ERC2: variants seen among roughly 807,000 people sequenced by gnomAD.
The protein encoded by ERC2 is ERC protein 2.
ERC2 carries 42 observed loss-of-function variants against 114.8 expected under a neutral mutation model. The ratio of observed to expected loss-of-function variants is 0.37; its 90% CI spans 0.29 to 0.47. The LOEUF (loss-of-function observed/expected upper bound fraction) is 0.47, where lower values mean the gene tolerates loss of function less well. Ranked by LOEUF, ERC2 falls within the 20% of genes least tolerant of loss-of-function variation. ERC2 has a pLI of 0.99. For missense variants in ERC2, 939 were observed against 1,150.7 expected, an observed-to-expected ratio of 0.82 and a Z score of 2.66; for synonymous variants, 454 against 425.5, an observed-to-expected ratio of 1.07 and a Z score of -0.82.
intron 7 of ERC2, among the ~76,000 whole-genome samples, chr3:56,069,520 G>A (rs903448078): frequency 1.3e-5 from 2 of 152,176 alleles, no homozygotes; most frequent in Non-Finnish European, 2.9e-5. Flanking sequence ...AAATCAAGAC[G>A]TCAGCCAGAA....
chr3:55,601,026 G>A (rs183376813), intron 17 of ERC2, among the ~76,000 whole-genome samples: 13 of 152,342 alleles, frequency 8.5e-5, no homozygotes, highest in Non-Finnish European at 1.8e-4. Flanking sequence ...AAGCAGGTTC[G>A]CACACCATGC....
At chr3:56,378,631 T>C (rs1425709128) in intron 2 of ERC2, among the ~76,000 whole-genome samples, 1 of 151,460 alleles carries the variant, frequency 6.6e-6, no homozygotes, top group African/African-American at 2.4e-5. Context: ...GTGCTCTAGA[T>C]TTATACAGAT....
intron 2 of ERC2, among the ~76,000 whole-genome samples, chr3:56,370,586 G>GT (rs1560690146): frequency 1.4e-5 from 2 of 145,608 alleles, no homozygotes; most frequent in African/African-American, 2.6e-5. Context: ...TTTTGGTGGG[G>GT]GTTTTTTTGT....
At chr3:55,602,168 G>A (rs565707536) in intron 17 of ERC2, among the ~76,000 whole-genome samples, 55 of 152,326 alleles carry the variant, frequency 3.6e-4, no homozygotes, top group African/African-American at 1.2e-3. Context: ...TGCAAAGTCA[G>A]TGTGTGAGAG....
At chr3:55,821,065 G>A (rs1350836416) in intron 14 of ERC2, among the ~76,000 whole-genome samples, 1 of 151,510 alleles carries the variant, frequency 6.6e-6, no homozygotes, top group African/African-American at 2.4e-5. Flanking sequence ...AGCGTGTGAA[G>A]AAGGGGTAAA....
At chr3:56,271,478 C>T (rs544840635) in intron 3 of ERC2, among the ~76,000 whole-genome samples, 1 of 152,184 alleles carries the variant, frequency 6.6e-6, no homozygotes, top group South Asian at 2.1e-4. Flanking sequence ...GTTTCTACAG[C>T]TATAAGATAG....
chr3:56,400,322 G>A (rs923956992), intron 2 of ERC2, among the ~76,000 whole-genome samples: 7 of 152,046 alleles, frequency 4.6e-5, no homozygotes, highest in African/African-American at 1.2e-4. Context: ...TGGGGGCTGA[G>A]GGGGTCACAG....
intron 3 of ERC2, among the ~76,000 whole-genome samples, chr3:56,213,723 T>C (rs1446599487): frequency 6.6e-6 from 1 of 152,184 alleles, no homozygotes; most frequent in East Asian, 1.9e-4. Context: ...CCTCCTCAAG[T>C]GGGTCCCTGA....
intron 17 of ERC2, among the ~76,000 whole-genome samples, chr3:55,516,384 A>C (rs2052507898): frequency 1.3e-5 from 2 of 152,188 alleles, no homozygotes; most frequent in Non-Finnish European, 2.9e-5. Flanking sequence ...AGTGGCAACA[A>C]ATTATGTTAA....
At chr3:56,365,565 C>T (rs2059118431) in intron 2 of ERC2, among the ~76,000 whole-genome samples, 1 of 152,200 alleles carries the variant, frequency 6.6e-6, no homozygotes, top group African/African-American at 2.4e-5. Context: ...AAACCATGGC[C>T]AAAGGGCCAA....
intron 17 of ERC2, among the ~76,000 whole-genome samples, chr3:55,568,413 C>T (rs1026036586): frequency 4.6e-5 from 7 of 152,294 alleles, no homozygotes; most frequent in African/African-American, 1.4e-4. Context: ...ACCTGAGCTC[C>T]GGAACATCAT....
intron 17 of ERC2, among the ~76,000 whole-genome samples, chr3:55,608,529 G>A (rs2148555291): frequency 6.6e-6 from 1 of 152,218 alleles, no homozygotes; most frequent in East Asian, 1.9e-4. Flanking sequence ...AGGTTCCTAT[G>A]ATGCCGCGAT....
intron 2 of ERC2, among the ~76,000 whole-genome samples, chr3:56,389,827 A>G (rs1486912443): frequency 6.6e-6 from 1 of 152,166 alleles, no homozygotes; most frequent in Non-Finnish European, 1.5e-5. Context: ...ACCTTGAAGA[A>G]CCCGGCAGGA....
intron 3 of ERC2, among the ~76,000 whole-genome samples, chr3:56,236,995 C>G (rs2050991075): frequency 6.6e-6 from 1 of 152,202 alleles, no homozygotes; most frequent in Non-Finnish European, 1.5e-5. Flanking sequence ...AGTTCCTCCA[C>G]TGACCTCTCG....
chr3:55,582,613 C>T (rs1278216029), intron 17 of ERC2, among the ~76,000 whole-genome samples: 1 of 152,218 alleles, frequency 6.6e-6, no homozygotes, highest in East Asian at 1.9e-4. Context: ...GCTCAGACTA[C>T]CGACTGCCTT....
intron 13 of ERC2, among the ~76,000 whole-genome samples, chr3:55,896,364 G>A (rs921878153): frequency 9.9e-5 from 15 of 152,236 alleles, no homozygotes; most frequent in African/African-American, 3.4e-4. Context: ...CTGGGGAAGC[G>A]CAGGTGGTGG....
intron 2 of ERC2, among the ~76,000 whole-genome samples, chr3:56,362,069 G>A (rs2058978411): frequency 6.6e-6 from 1 of 152,186 alleles, no homozygotes; most frequent in Non-Finnish European, 1.5e-5. Flanking sequence ...TCCTCTGTCT[G>A]AAGGATTCAG....
At chr3:55,954,081 T>TAAAAAAAA (rs58512381) in intron 12 of ERC2, among the ~76,000 whole-genome samples, 8 of 50,358 alleles carry the variant, frequency 1.6e-4, no homozygotes, top group African/African-American at 5.1e-4. Flanking sequence ...CTCCATTATT[T>TAAAAAAAA]AAAAAAAAAA....
At chr3:56,028,250 C>A (rs1349952381) in intron 7 of ERC2, among the ~76,000 whole-genome samples, 2 of 151,984 alleles carry the variant, frequency 1.3e-5, no homozygotes, top group Non-Finnish European at 2.9e-5. Context: ...TAACCTTATT[C>A]TTTTTTCCCC....
Sources: allele counts gnomAD v4.1 joint callset (sites outside exome capture counted in the v4.1 genomes callset), GRCh38; gene constraint gnomAD v4.1.1; transcripts MANE v1.5; gene names NCBI Gene and HGNC (gene_info 2026-07-23, HGNC 2026-07-21).